Variants in PKM observed in about 807,000 individuals in gnomAD.
The protein encoded by PKM is pyruvate kinase M1/2.
In PKM, 18 loss-of-function variants were observed where a neutral mutation model predicts 49.8. That is an observed-to-expected ratio of 0.36 (90% confidence interval 0.25 to 0.54). The LOEUF (loss-of-function observed/expected upper bound fraction) is 0.54, where lower values mean the gene tolerates loss of function less well. PKM is among the 20% of genes least tolerant of loss of function. PKM has a pLI of 0.89. For missense variants in PKM, 508 were observed against 713.8 expected (o/e 0.71, Z 3.28); for synonymous variants, 239 against 261.8 (o/e 0.91, Z 0.84).
intron 1 of PKM, among the ~76,000 whole-genome samples, chr15:72,225,780 C>G (rs947688405): frequency 6.6e-6 from 1 of 152,204 alleles, no homozygotes; most frequent in African/African-American, 2.4e-5. Flanking sequence ...TCTCCCTCCC[C>G]GTTAAACTAA....
Position 72,202,366 on chromosome 15 carries a change from T to G in PKM, c.1307+88A>C. 1 of 1,361,132 alleles carries G rather than the reference T, an allele frequency of 7.3e-7. No homozygotes were observed. The highest frequency in any genetic ancestry group is 1.0e-6 in the Non-Finnish European group (1 of 975,160). 84.3% of individuals were successfully genotyped at this position (1,361,132 alleles called of 1,614,324 possible). ...GGTCTTACCTTGGCTCAGTGCCACC[T>G]GAGCATTGTTCAATGGACTGCTCCC... On this transcript the variant is annotated intron_variant, in intron 9 of 10. Transcript: ENST00000335181. This position sits in a 1 kb window ranked among gnomAD's most constrained non-coding sequence, Gnocchi z 4.5.
chr15:72,224,629 G>A (rs921991622), intron 1 of PKM, among the ~76,000 whole-genome samples: 1 of 152,124 alleles, frequency 6.6e-6, no homozygotes, highest in Non-Finnish European at 1.5e-5. Context: ...TTGAAAGGCT[G>A]AGGCGGGCAG....
At chr15:72,209,983 G>GT in intron 4 of PKM, 124 bp from the exon 5 acceptor site, 6 of 844,878 alleles carry the variant, frequency 7.1e-6, no homozygotes, top group Middle Eastern at 4.9e-4. Context: ...AAGTAATACA[G>GT]TTTTTTGCTC....
chr15:72,230,851 C>G (rs764456845), intron 1 of PKM: 65 of 1,055,608 alleles, frequency 6.2e-5, no homozygotes, highest in Non-Finnish European at 8.3e-5. Flanking sequence ...GAGGATGGGA[C>G]CAGAATGAGG....
intron 1 of PKM, among the ~76,000 whole-genome samples, chr15:72,220,092 C>T (rs2082482979): frequency 6.6e-6 from 1 of 152,192 alleles, no homozygotes; most frequent in Non-Finnish European, 1.5e-5. Flanking sequence ...GTTTGAATAA[C>T]TATCAGGTAA....
rs1466148882 is a variant in PKM, at chr15:72,205,997, A to C, written c.1140+731T>G. Among the ~76,000 whole-genome samples the C allele has an allele frequency of 2.0e-5, 3 of 152,150 alleles. No individual in the cohort carries two copies. In the East Asian group the frequency reaches 5.8e-4, roughly 29 times the overall value. ...AGAACGAGCTCTCAGAGGAGAAAGA[A>C]GGGAAAGAGCCTCCACGACTCCTCC... is the stretch of plus-strand genomic sequence containing the variant. On this transcript the variant is annotated intron_variant, in intron 8 of 10. Transcript: ENST00000335181.
In PKM at chr15:72,199,437, G is replaced by A. The variant is rs2081875565; in HGVS notation, c.*213C>T. The A allele has an allele frequency of 4.3e-6, 3 of 693,864 alleles. No individual in the cohort carries two copies. The highest frequency in any genetic ancestry group is 7.9e-6 in the Non-Finnish European group (3 of 379,098). 43.0% of individuals were successfully genotyped at this position (693,864 alleles called of 1,614,324 possible). On this transcript the variant is annotated 3_prime_UTR_variant, in exon 11 of 11. Coordinates refer to ENST00000335181, the MANE Select transcript of PKM (RefSeq NM_002654.6). Reference sequence around the variant, plus strand: ...CTCCTTCTTCCCTTGATTGGGTGGGGCCACATGATGGGCAGCCAGGCTCTG... The same window carrying A: ...CTCCTTCTTCCCTTGATTGGGTGGGACCACATGATGGGCAGCCAGGCTCTG...
chr15:72,221,640 G>A (rs1425677279), intron 1 of PKM, among the ~76,000 whole-genome samples: 1 of 151,978 alleles, frequency 6.6e-6, no homozygotes, highest in Non-Finnish European at 1.5e-5. Context: ...GAAATTATGT[G>A]TACCTCTTTT....
At position 72,208,988 on chromosome 15, in the gene PKM, G is replaced by A; in HGVS notation, c.566-97C>T. 6 of 1,294,376 alleles carry A rather than the reference G, an allele frequency of 4.6e-6. No individual in the cohort carries two copies. In the South Asian group the frequency reaches 5.0e-5, roughly 11 times the overall value. 80.2% of individuals were successfully genotyped at this position (1,294,376 alleles called of 1,614,324 possible). On this transcript the variant is annotated intron_variant, in intron 5 of 10. Coordinates refer to ENST00000335181, the MANE Select transcript of PKM (RefSeq NM_002654.6). ...CGCAAGGACAGTGAGCTGGGAAGTG[G>A]TGCATTATGGGTGCTGGAGCTGTTT...
At chr15:72,225,315 C>T (rs1376318659) in intron 1 of PKM, among the ~76,000 whole-genome samples, 2 of 149,324 alleles carry the variant, frequency 1.3e-5, no homozygotes, top group African/African-American at 4.9e-5. Flanking sequence ...CTCCTCCAAC[C>T]CTTTCCACCT....
intron 8 of PKM, among the ~76,000 whole-genome samples, chr15:72,205,633 T>C (rs1036545185): frequency 1.3e-5 from 2 of 150,700 alleles, no homozygotes; most frequent in Non-Finnish European, 3.0e-5. Flanking sequence ...AGTTTTTTTT[T>C]TTTTTTTTTT....
rs1479304255 is a variant in PKM, at chr15:72,199,378, C to T, written c.*272G>A. On this transcript the variant is annotated 3_prime_UTR_variant, in exon 11 of 11. Coordinates refer to ENST00000335181, the MANE Select transcript of PKM (RefSeq NM_002654.6). ...AGGAAAGGAAGCTGTCACCCTCTTG[C>T]CATCTGGCTCCAGGGGCCTCCAGTC... 2 of 649,366 alleles carry T rather than the reference C, an allele frequency of 3.1e-6. No individual in the cohort carries two copies. The highest frequency in any genetic ancestry group is 5.7e-6 in the Non-Finnish European group (2 of 351,858). 40.2% of individuals were successfully genotyped at this position (649,366 alleles called of 1,614,324 possible).
chr15:72,229,463 T>TC (rs2082780645), intron 1 of PKM: 1 of 783,220 alleles, frequency 1.3e-6, no homozygotes, highest in South Asian at 1.4e-5. Flanking sequence ...ACCTTCACTG[T>TC]CGGCCTCACT....
At chr15:72,201,581 C>T (rs1279478434) in intron 9 of PKM, 1 of 152,310 alleles carries the variant, frequency 6.6e-6, no homozygotes, top group East Asian at 1.9e-4. Context: ...GAGTGAAACC[C>T]CAGAAGACTA....
intron 1 of PKM, among the ~76,000 whole-genome samples, chr15:72,223,259 C>G (rs1462549001): frequency 6.6e-6 from 1 of 152,132 alleles, no homozygotes. Context: ...AATTCTTCCA[C>G]AAAGGACCAA....
intron 3 of PKM, among the ~76,000 whole-genome samples, chr15:72,214,944 G>A (rs2082341241): frequency 6.6e-6 from 1 of 152,172 alleles, no homozygotes; most frequent in African/African-American, 2.4e-5. Flanking sequence ...TGGGCGTGGT[G>A]GCTCACGCCT....
intron 1 of PKM, 51 bp downstream of exon 1, chr15:72,231,065 G>A: frequency 1.3e-6 from 1 of 744,986 alleles, no homozygotes; most frequent in Non-Finnish European, 2.0e-6. Flanking sequence ...GCACTAGCCG[G>A]GCGACTGGCC....
Position 72,202,526 on chromosome 15 carries a change from G to C in PKM, c.1235C>G (p.Thr412Ser). ...GGAGGCCTCCACGGCACCCACGGCG[G>C]TGGCTTCTGTGGGGTCGCTGGTAAT... ...APITSDPTEA[T>S]AVGAVEASFK... Residue 412 changes from threonine to serine, a missense_variant, in exon 9 of 11, where the codon ACC becomes AGC. Physicochemically the swap from Thr to Ser is moderately conservative, Grantham distance 58. Transcript: ENST00000335181. This position sits in a 1 kb window ranked among gnomAD's most constrained non-coding sequence, Gnocchi z 4.5. 3 of 1,613,684 alleles carry C rather than the reference G, an allele frequency of 1.9e-6. No individual in the cohort carries two copies. The highest frequency in any genetic ancestry group is 2.5e-6 in the Non-Finnish European group (3 of 1,179,924).
chr15:72,227,132 G>A (rs1034821781), intron 1 of PKM, among the ~76,000 whole-genome samples: 2 of 152,198 alleles, frequency 1.3e-5, no homozygotes, highest in Non-Finnish European at 2.9e-5. Flanking sequence ...CCGCAAGTAT[G>A]GTGGTATCAA....
Sources: gnomAD v4.1 joint callset for allele counts (sites outside exome capture counted in the v4.1 genomes callset) on GRCh38, gnomAD v4.1.1 for gene constraint, Gnocchi (gnomAD v3.1) non-coding constraint, MANE v1.5 for transcripts, NCBI Gene and HGNC (gene_info 2026-07-23, HGNC 2026-07-21) for gene names.